CAMTA1: variants seen among roughly 807,000 people sequenced by gnomAD.
CAMTA1 encodes the protein calmodulin-binding transcription activator 1.
Under a neutral mutation model 170.9 loss-of-function variants are expected in CAMTA1, and 27 were observed. The ratio of observed to expected loss-of-function variants is 0.16; its 90% CI spans 0.12 to 0.22. The LOEUF (loss-of-function observed/expected upper bound fraction) is 0.22, where lower values mean the gene tolerates loss of function less well. Ranked by LOEUF, CAMTA1 falls within the 10% of genes least tolerant of loss-of-function variation. CAMTA1 has a pLI of 1.00. For missense variants in CAMTA1, 1,619 were observed against 2,217.2 expected (o/e 0.73, Z 5.42); for synonymous variants, 833 against 891.5 (o/e 0.93, Z 1.17).
intron 3 of CAMTA1, among the ~76,000 whole-genome samples, chr1:7,080,270 T>C (rs1252905440): frequency 1.3e-5 from 2 of 151,882 alleles, no homozygotes; most frequent in Non-Finnish European, 2.9e-5. Flanking sequence ...AAAGAAATGT[T>C]TTTTTAATCT....
intron 3 of CAMTA1, among the ~76,000 whole-genome samples, chr1:6,866,347 T>C (rs1666563888): frequency 6.6e-6 from 1 of 152,162 alleles, no homozygotes. Context: ...ATAGAGGGAA[T>C]GGGAAATGTC....
chr1:7,627,567 T>A (rs1305650516), intron 6 of CAMTA1, among the ~76,000 whole-genome samples: 1 of 152,170 alleles, frequency 6.6e-6, no homozygotes, highest in Non-Finnish European at 1.5e-5. Flanking sequence ...ATTGTATGGA[T>A]GAGAAAACTA....
At chr1:7,409,692 G>T (rs1020662648) in intron 5 of CAMTA1, among the ~76,000 whole-genome samples, 1 of 151,854 alleles carries the variant, frequency 6.6e-6, no homozygotes, top group Non-Finnish European at 1.5e-5. Context: ...AGCTAATTCT[G>T]CCCAAGGCCA....
intron 5 of CAMTA1, among the ~76,000 whole-genome samples, chr1:7,289,433 G>A (rs192428034): frequency 3.2e-4 from 49 of 152,256 alleles, no homozygotes; most frequent in African/African-American, 1.1e-3. Context: ...GGAGAGGAAG[G>A]GGCACCCTGT....
At chr1:7,059,743 C>A (rs1028122899) in intron 3 of CAMTA1, among the ~76,000 whole-genome samples, 17 of 152,098 alleles carry the variant, frequency 1.1e-4, no homozygotes, top group Admixed American at 2.0e-4. Context: ...ACTATTTATG[C>A]CTGAAGCAAT....
chr1:7,226,906 C>T (rs1661804877), intron 4 of CAMTA1, among the ~76,000 whole-genome samples: 1 of 152,058 alleles, frequency 6.6e-6, no homozygotes, highest in South Asian at 2.1e-4. Flanking sequence ...GGTCTCGGCT[C>T]ACTGCAAGCT....
intron 5 of CAMTA1, among the ~76,000 whole-genome samples, chr1:7,304,176 A>G (rs903939204): frequency 2.6e-5 from 4 of 152,230 alleles, no homozygotes; most frequent in South Asian, 2.1e-4. Context: ...AACGTCCTCA[A>G]TGCCATTGAA....
intron 6 of CAMTA1, among the ~76,000 whole-genome samples, chr1:7,610,494 G>A (rs2150671641): frequency 6.6e-6 from 1 of 152,302 alleles, no homozygotes; most frequent in Admixed American, 6.5e-5. Flanking sequence ...CCCAGCCTCA[G>A]TTTCTCCTCT....
At chr1:7,499,950 GGA>G (rs755755240) in intron 6 of CAMTA1, among the ~76,000 whole-genome samples, 3 of 142,058 alleles carry the variant, frequency 2.1e-5, no homozygotes, top group Non-Finnish European at 3.1e-5. Context: ...ATGAGTGTGT[GGA>G]GAGGACTGTG....
intron 6 of CAMTA1, among the ~76,000 whole-genome samples, chr1:7,631,177 GA>G (rs2095666687): frequency 2.0e-5 from 3 of 152,262 alleles, no homozygotes; most frequent in African/African-American, 7.2e-5. Context: ...GACCAGCCAG[GA>G]GCCTTCCAGC....
chr1:7,203,653 A>T (rs1181175225), intron 4 of CAMTA1, among the ~76,000 whole-genome samples: 2 of 151,958 alleles, frequency 1.3e-5, no homozygotes, highest in East Asian at 1.9e-4. Flanking sequence ...ACAATTGCTC[A>T]TAGTATTCCT....
rs906809720 is a variant in CAMTA1 at position 7,768,226 on chromosome 1, A to C, written c.*1735A>C. The C allele has an allele frequency of 7.2e-5, 11 of 152,626 alleles. No individual in the cohort carries two copies. The highest frequency in any genetic ancestry group is 7.2e-4 in the Admixed American group (11 of 15,280). The allele number at this position is 152,626 out of a possible 1,614,324, so 9.5% of individuals were successfully genotyped here. A position where few individuals can be genotyped will look rare whatever the true frequency, so the allele number is the denominator to read the frequency against. ...AATATAATAAAATTGCACAAAAAAA[A>C]AAATGAAAAAGATGCAGACTGGTCT... On this transcript the variant is annotated 3_prime_UTR_variant, in exon 23 of 23. Coordinates refer to ENST00000303635, the MANE Select transcript of CAMTA1 (RefSeq NM_015215.4).
chr1:6,902,545 G>C (rs535822147), intron 3 of CAMTA1, among the ~76,000 whole-genome samples: 156 of 152,294 alleles, frequency 1.0e-3, no homozygotes, highest in Middle Eastern at 3.4e-3. Context: ...GGTTGCTGTG[G>C]GTGGGTCGGT....
Position 7,724,842 on chromosome 1 carries a change from G to T in CAMTA1, c.2915-7606G>T, listed in dbSNP as rs12028339. Among the ~76,000 whole-genome samples the T allele has an allele frequency of 2.0e-5, 3 of 148,530 alleles. No individual in the cohort carries two copies. In the East Asian group the frequency reaches 5.9e-4, roughly 29 times the overall value. ...TCAAAAAAAAAAAAAAAAAAAGATC[G>T]CATGTATTAGTTTATTTCATCCTCA... On this transcript the variant is annotated intron_variant, in intron 11 of 22. Coordinates refer to ENST00000303635, the MANE Select transcript of CAMTA1 (RefSeq NM_015215.4).
intron 3 of CAMTA1, among the ~76,000 whole-genome samples, chr1:6,962,044 CAAA>C (rs1300568576): frequency 6.6e-6 from 1 of 152,234 alleles, no homozygotes; most frequent in Non-Finnish European, 1.5e-5. Flanking sequence ...GGGCTGTCCC[CAAA>C]CGTGTCTCCC....
intron 6 of CAMTA1, among the ~76,000 whole-genome samples, chr1:7,631,424 G>A (rs1204403223): frequency 6.6e-6 from 1 of 152,200 alleles, no homozygotes; most frequent in Non-Finnish European, 1.5e-5. Context: ...AGCCCTCAAA[G>A]GCACTCTCCT....
chr1:7,666,628 C>T (rs780106854), intron 9 of CAMTA1, among the ~76,000 whole-genome samples: 2 of 152,258 alleles, frequency 1.3e-5, no homozygotes, highest in African/African-American at 2.4e-5. Context: ...GGGACCAGCA[C>T]ATGCACCACG....
At chr1:7,291,005 C>A (rs558348451) in intron 5 of CAMTA1, among the ~76,000 whole-genome samples, 134 of 152,254 alleles carry the variant, frequency 8.8e-4, no homozygotes, top group African/African-American at 3.2e-3. Flanking sequence ...CTGCAGAGTG[C>A]AGTGTCTTTT....
chr1:7,438,245 G>A (rs1261677383), intron 5 of CAMTA1, among the ~76,000 whole-genome samples: 2 of 152,190 alleles, frequency 1.3e-5, no homozygotes, highest in African/African-American at 2.4e-5. Flanking sequence ...TGAGACTGGG[G>A]TGAGGGGCAA....
Sources: gnomAD v4.1 joint callset for allele counts (sites outside exome capture counted in the v4.1 genomes callset) on GRCh38, gnomAD v4.1.1 for gene constraint, MANE v1.5 for transcripts, NCBI Gene and HGNC (gene_info 2026-07-23, HGNC 2026-07-21) for gene names.